The following SAMSN1 variants were observed in gnomAD, a reference collection of about 807,000 sequenced individuals.
SAMSN1 encodes the protein SAM domain, SH3 domain and nuclear localization signals 1, also known as SAM domain-containing protein SAMSN-1.
SAMSN1 carries 31 observed loss-of-function variants against 42.0 expected under a neutral mutation model. The ratio of observed to expected loss-of-function variants is 0.74; its 90% CI spans 0.55 to 1.00. The LOEUF is 1.00. Among genes scored for constraint, SAMSN1 ranks in the 50% least tolerant of loss-of-function variants. The pLI, the probability that SAMSN1 is intolerant of heterozygous loss-of-function variation, is 0.00. For synonymous variants in SAMSN1, 178 were observed against 151.9 expected (o/e 1.17, Z -1.26); for missense variants, 464 against 439.4 (o/e 1.06, Z -0.50).
intron 2 of SAMSN1, among the ~76,000 whole-genome samples, chr21:14,621,943 AG>A (rs1483117762): frequency 6.6e-6 from 1 of 152,248 alleles, no homozygotes; most frequent in African/African-American, 2.4e-5. Context: ...AGGAAAGATC[AG>A]GCAGCAACAT....
chr21:14,488,930 C>T (rs558045805), intron 7 of SAMSN1, among the ~76,000 whole-genome samples: 23 of 152,260 alleles, frequency 1.5e-4, no homozygotes, highest in African/African-American at 4.8e-4. Context: ...TGTTATATTA[C>T]GGAGATGAAA....
rs115903069 is a variant in SAMSN1, at chr21:14,606,982, G to A, written c.322+2500C>T. 6.8e-3 allele frequency among the ~76,000 whole-genome samples: 1,041 copies of A among 152,260 alleles called. 16 individuals carry two copies. Among genetic ancestry groups the A allele is most frequent in the African/African-American group, 0.024 (1,015 of 41,530 alleles). ...AATGCTATTAATATAATGTGTTAATGTAGAAATATCATTTTGAAATTGAAA... is the reference window on the plus strand; with the variant it reads ...AATGCTATTAATATAATGTGTTAATATAGAAATATCATTTTGAAATTGAAA... On this transcript the variant is annotated intron_variant, in intron 5 of 15. Transcript: ENST00000647101.
intron 2 of SAMSN1, among the ~76,000 whole-genome samples, chr21:14,631,725 A>G (rs74421438): frequency 1.7e-3 from 266 of 152,322 alleles, no homozygotes; most frequent in Middle Eastern, 3.4e-3. Context: ...GCTTCTAATT[A>G]CTGTATTGCA....
At chr21:14,500,851 C>G (rs1200569746) in intron 5 of SAMSN1, 116 bp from the exon 6 acceptor site, 2 of 807,402 alleles carry the variant, frequency 2.5e-6, no homozygotes, top group African/African-American at 3.4e-5. Context: ...TCAGATATAA[C>G]AGAAACAAAT....
intron 3 of SAMSN1, among the ~76,000 whole-genome samples, chr21:14,513,320 A>C (rs1175083296): frequency 6.6e-6 from 1 of 152,218 alleles, no homozygotes; most frequent in East Asian, 1.9e-4. Flanking sequence ...TTCAGAATAC[A>C]CAAATGATAT....
At chr21:14,515,825 C>A (rs192828943) in intron 3 of SAMSN1, among the ~76,000 whole-genome samples, 1 of 151,978 alleles carries the variant, frequency 6.6e-6, no homozygotes, top group Non-Finnish European at 1.5e-5. Context: ...CAATTAAAAA[C>A]GAACAATGGA....
intron 7 of SAMSN1, among the ~76,000 whole-genome samples, chr21:14,589,756 T>C (rs555385394): frequency 6.6e-6 from 1 of 152,242 alleles, no homozygotes; most frequent in South Asian, 2.1e-4. Flanking sequence ...CACGTCAGAC[T>C]TGAATGAAGT....
intron 1 of SAMSN1, among the ~76,000 whole-genome samples, chr21:14,527,038 T>A (rs1978906015): frequency 6.6e-6 from 1 of 152,220 alleles, no homozygotes; most frequent in East Asian, 1.9e-4. Context: ...AGAAAAGATT[T>A]GCATTTGTGA....
intron 4 of SAMSN1, among the ~76,000 whole-genome samples, chr21:14,612,092 G>T (rs1212419275): frequency 6.6e-6 from 1 of 152,168 alleles, no homozygotes; most frequent in South Asian, 2.1e-4. Flanking sequence ...AATTAGCTGG[G>T]TGTGATGGCA....
chr21:14,534,495 A>C (rs954882635), intron 1 of SAMSN1, among the ~76,000 whole-genome samples: 1 of 150,806 alleles, frequency 6.6e-6, no homozygotes, highest in African/African-American at 2.5e-5. Flanking sequence ...AAGCACAACG[A>C]AAATAGAAAG....
At chr21:14,541,032 C>T (rs540592922) in intron 1 of SAMSN1, among the ~76,000 whole-genome samples, 3 of 150,758 alleles carry the variant, frequency 2.0e-5, no homozygotes, top group Non-Finnish European at 2.9e-5. Context: ...ATTGCAAGGA[C>T]GGAAAACCAA....
At chr21:14,571,221 A>T (rs1387976498) in intron 2 of SAMSN1, among the ~76,000 whole-genome samples, 1 of 152,148 alleles carries the variant, frequency 6.6e-6, no homozygotes, top group East Asian at 1.9e-4. Flanking sequence ...ATCTGTTTCT[A>T]CCCAACAGTT....
chr21:14,640,702 A>G lies in SAMSN1; in HGVS notation c.156+2300T>C, dbSNP rs188491250. ...TTAACTTTATTCATCTAAGCTGTGA[A>G]ATAATTTTCATTCGGAATATAATAA... On this transcript the variant is annotated intron_variant, in intron 2 of 15. Coordinates refer to the SAMSN1 transcript ENST00000647101. 3.3e-5 allele frequency among the ~76,000 whole-genome samples: 5 copies of G among 152,228 alleles called. No individual in the cohort carries two copies. The East Asian group carries it at 9.6e-4, about 29-fold the overall frequency.
At chr21:14,644,487 A>G (rs1983674486) in intron 1 of SAMSN1, among the ~76,000 whole-genome samples, 1 of 152,108 alleles carries the variant, frequency 6.6e-6, no homozygotes, top group Non-Finnish European at 1.5e-5. Flanking sequence ...TGCTAACCGA[A>G]GAGCCCTTGG....
intron 7 of SAMSN1, among the ~76,000 whole-genome samples, chr21:14,493,277 A>G (rs1042645829): frequency 6.6e-6 from 1 of 152,206 alleles, no homozygotes; most frequent in African/African-American, 2.4e-5. Flanking sequence ...AATGCATTGT[A>G]TACAGATTCT....
upstream of SAMSN1, among the ~76,000 whole-genome samples, chr21:14,547,034 A>G (rs1016724144): frequency 6.6e-6 from 1 of 152,190 alleles, no homozygotes. Flanking sequence ...AAATAAATAA[A>G]CAATGTTAGA....
intron 3 of SAMSN1, among the ~76,000 whole-genome samples, chr21:14,614,063 AT>A (rs1982773233): frequency 6.6e-6 from 1 of 152,138 alleles, no homozygotes; most frequent in African/African-American, 2.4e-5. Flanking sequence ...TTGGATCCTG[AT>A]TTAAATAAAC....
intron 1 of SAMSN1, among the ~76,000 whole-genome samples, chr21:14,650,005 T>C (rs1042507597): frequency 6.6e-6 from 1 of 152,120 alleles, no homozygotes; most frequent in Non-Finnish European, 1.5e-5. Context: ...ATTTTGAATA[T>C]ATATATGCAC....
chr21:14,555,190 G>A lies in SAMSN1; in HGVS notation c.261+26946C>T, dbSNP rs57383926. 1.1e-3 allele frequency among the ~76,000 whole-genome samples: 168 copies of A among 152,256 alleles called. 1 individual carries two copies. The highest frequency in any genetic ancestry group is 3.8e-3 in the African/African-American group (159 of 41,552). ...ATGCACACTGACTCATTTCATTGCA[G>A]CCTCCTTGTCTACAACTTCTGAGAT... On this transcript the variant is annotated intron_variant, in intron 2 of 8. Transcript: ENST00000285670.
Sources: allele counts gnomAD v4.1 joint callset (sites outside exome capture counted in the v4.1 genomes callset), GRCh38; gene constraint gnomAD v4.1.1; transcripts MANE v1.5; gene names NCBI Gene and HGNC (gene_info 2026-07-23, HGNC 2026-07-21).